The following PRXL2B variants were observed in gnomAD, a reference collection of about 807,000 sequenced individuals.
PRXL2B encodes the protein peroxiredoxin like 2B.
In PRXL2B, 26 loss-of-function variants were observed where a neutral mutation model predicts 24.4. The observed-to-expected ratio is 1.07, with a 90% CI of 0.78 to 1.48. The LOEUF is 1.48. Among genes scored for constraint, PRXL2B ranks in the 40% most tolerant of loss-of-function variants. The probability of loss-of-function intolerance (pLI) is 0.00; values close to 1 mark genes in which losing one functional copy is unlikely to be tolerated. For synonymous variants in PRXL2B, 115 were observed against 118.9 expected, an observed-to-expected ratio of 0.97 and a Z score of 0.21; for missense variants, 269 against 264.8, an observed-to-expected ratio of 1.02 and a Z score of -0.11.
At position 2,586,830 on chromosome 1, in the gene PRXL2B, C is replaced by CGGGAGCGGGGAACAGGGAGTCG; in HGVS notation, c.-49_-28dup. The CGGGAGCGGGGAACAGGGAGTCG allele has an allele frequency of 7.8e-7, 1 of 1,274,488 alleles. No individual in the cohort carries two copies. The highest frequency in any genetic ancestry group is 1.5e-5 in the African/African-American group (1 of 64,698). 78.9% of individuals were successfully genotyped at this position (1,274,488 alleles called of 1,614,324 possible). A position where few individuals can be genotyped will look rare whatever the true frequency, so the allele number is the denominator to read the frequency against. ...GAGCGGGGATCCAGGAGCGAGGAGCCGGGAGCGGGGAACAGGGAGTCGGGG... is the reference window on the plus strand; with the variant it reads ...GAGCGGGGATCCAGGAGCGAGGAGCCGGGAGCGGGGAACAGGGAGTCGGGGAGCGGGGAACAGGGAGTCGGGG... On this transcript the variant is annotated 5_prime_UTR_variant, in exon 1 of 7. Transcript: ENST00000419916.
chr1:2,590,879 G>T lies in PRXL2B; in HGVS notation c.*1452G>T. The T allele has an allele frequency of 1.2e-6, 1 of 827,096 alleles. No homozygotes were observed. Among genetic ancestry groups the T allele is most frequent in the Non-Finnish European group, 1.7e-6 (1 of 589,542 alleles). The allele number at this position is 827,096 out of a possible 1,614,324, so 51.2% of individuals were successfully genotyped here. On this transcript the variant is annotated 3_prime_UTR_variant, in exon 7 of 7. Coordinates refer to ENST00000419916, the MANE Select transcript of PRXL2B (RefSeq NM_152371.5). The stretch of plus-strand genomic sequence containing the variant: ...GCGCAGAGGCCTGGCAGGCAGGCTT[G>T]GCATGGTTGGCCGGGGCGGGACGTA...
At position 2,589,808 on chromosome 1, in the gene PRXL2B, G is replaced by A. The variant is rs1644636411; in HGVS notation, c.*381G>A. ...TCAAAGGCGACAGACCCAAGCCCAC[G>A]TCAGGAGAGGAGCGTGGGGTCAGCT... On this transcript the variant is annotated 3_prime_UTR_variant, in exon 7 of 7. Transcript: ENST00000419916. 3.3e-6 allele frequency: 1 copy of A among 302,120 alleles called. No individual in the cohort carries two copies. Among genetic ancestry groups the A allele is most frequent in the Non-Finnish European group, 6.2e-6 (1 of 161,106 alleles). The allele number at this position is 302,120 out of a possible 1,614,324, so 18.7% of individuals were successfully genotyped here. A position where few individuals can be genotyped will look rare whatever the true frequency, so the allele number is the denominator to read the frequency against.
intron 4 of PRXL2B, 47 bp from the exon 5 acceptor site, chr1:2,588,503 G>A (rs1242677698): frequency 6.2e-7 from 1 of 1,613,804 alleles, no homozygotes. Flanking sequence ...GGAGCTCCCA[G>A]GAGCCTTTCT....
In PRXL2B at chr1:2,589,774, T is replaced by A. The variant is rs1644635505; in HGVS notation, c.*347T>A. 1 of 415,608 alleles carries A rather than the reference T, an allele frequency of 2.4e-6. No individual in the cohort carries two copies. The highest frequency in any genetic ancestry group is 4.6e-5 in the East Asian group (1 of 21,974). The allele number at this position is 415,608 out of a possible 1,614,324, so 25.7% of individuals were successfully genotyped here. ...TGGGGATGGTAACCTCACTGCCCCGTCACTCCCTTCAAAGGCGACAGACCC... is the reference window on the plus strand; with the variant it reads ...TGGGGATGGTAACCTCACTGCCCCGACACTCCCTTCAAAGGCGACAGACCC... On this transcript the variant is annotated 3_prime_UTR_variant, in exon 7 of 7. Transcript: ENST00000419916.
At position 2,588,812 on chromosome 1, in the gene PRXL2B, G is replaced by T. The variant is rs910999056; in HGVS notation, c.461-110G>T. ...GAACAGCTCACTCATCTGGGTAGCC[G>T]GGTGGGGGATATGGCTGGCCAGGGC... On this transcript the variant is annotated intron_variant, in intron 5 of 6. Coordinates refer to ENST00000419916, the MANE Select transcript of PRXL2B (RefSeq NM_152371.5). 3 of 1,245,124 alleles carry T rather than the reference G, an allele frequency of 2.4e-6. No individual in the cohort carries two copies. The East Asian group carries it at 7.0e-5, about 29-fold the overall frequency. The allele number at this position is 1,245,124 out of a possible 1,614,324, so 77.1% of individuals were successfully genotyped here.
rs534586289 is a variant in PRXL2B, at chr1:2,588,666, G to A, written c.460+41G>A. 46 of 1,599,990 alleles carry A rather than the reference G, an allele frequency of 2.9e-5. No homozygotes were observed. The East Asian group carries it at 5.2e-4, about 18-fold the overall frequency. On this transcript the variant is annotated intron_variant, in intron 5 of 6. Transcript: ENST00000419916. ...GGCCTCGGCCACTGCCTCAAGGAGG[G>A]CCTTGCTGAACTTGGTGGCCCAGCC...
chr1:2,588,525 C>T, intron 4 of PRXL2B, 25 bp from the exon 5 acceptor site: 2 of 1,614,006 alleles, frequency 1.2e-6, no homozygotes, highest in Non-Finnish European at 1.7e-6. Flanking sequence ...CTAGGATTGA[C>T]TCAGGCTGTA....
chr1:2,589,001 G>T lies in PRXL2B; in HGVS notation c.540G>T (p.Leu180=), dbSNP rs758364600. 6 of 1,613,266 alleles carry T rather than the reference G, an allele frequency of 3.7e-6. No individual in the cohort carries two copies. The change falls in exon 6 of 7, where the codon CTG becomes CTT. Residue 180 remains leucine, a synonymous_variant. Coordinates refer to ENST00000419916, the MANE Select transcript of PRXL2B (RefSeq NM_152371.5). The stretch of plus-strand genomic sequence containing the variant: ...CCAAGGAGCACATCCTGCAGGTCCT[G>T]GGCATCTCTGCGGAGGTCTGTGCCA... ...YVPKEHILQV[L]GISAEVCASD...
chr1:2,591,004 A>G lies in PRXL2B; in HGVS notation c.*1577A>G. The G allele has an allele frequency of 3.8e-6, 6 of 1,596,422 alleles. No individual in the cohort carries two copies. Among genetic ancestry groups the G allele is most frequent in the Non-Finnish European group, 5.1e-6 (6 of 1,173,136 alleles). ...CAGGGCCTTGGCTACCACACGCGGC[A>G]TCGCTCCTTGGGGTGCATGGGGGTG... On this transcript the variant is annotated 3_prime_UTR_variant, in exon 7 of 7. Coordinates refer to ENST00000419916, the MANE Select transcript of PRXL2B (RefSeq NM_152371.5).
Position 2,587,094 on chromosome 1 carries a change from G to A in PRXL2B, c.67G>A (p.Val23Met), listed in dbSNP as rs991913588. Residue 23 changes from valine (V) to methionine (M), a missense_variant, in exon 2 of 7, where the codon GTG becomes ATG. Transcript: ENST00000419916. This position sits in a 1 kb window ranked among gnomAD's most constrained non-coding sequence, Gnocchi z 6.1. The part of the protein sequence containing the change: ...ILKHAVTGEA[V>M]ELRSLWREHA... ...CCATGACCCAGCCGCCCGGCAGGCC[G>A]TGGAGCTGCGGAGCCTGTGGCGGGA... The A allele has an allele frequency of 1.6e-5, 25 of 1,530,676 alleles. No individual in the cohort carries two copies. The highest frequency in any genetic ancestry group is 5.9e-5 in the Admixed American group (3 of 50,974). 94.8% of individuals were successfully genotyped at this position (1,530,676 alleles called of 1,614,324 possible). A position where few individuals can be genotyped will look rare whatever the true frequency, so the allele number is the denominator to read the frequency against.
chr1:2,590,971 C>G lies in PRXL2B; in HGVS notation c.*1544C>G. 3 of 1,528,152 alleles carry G rather than the reference C, an allele frequency of 2.0e-6. No individual in the cohort carries two copies. The highest frequency in any genetic ancestry group is 1.8e-6 in the Non-Finnish European group (2 of 1,137,550). The allele number at this position is 1,528,152 out of a possible 1,614,324, so 94.7% of individuals were successfully genotyped here. On this transcript the variant is annotated 3_prime_UTR_variant, in exon 7 of 7. Coordinates refer to ENST00000419916, the MANE Select transcript of PRXL2B (RefSeq NM_152371.5). ...GAGCAGCGGGTGGGCGTGGGCCGCA[C>G]AGCGCGGCAGGGCCTTGGCTACCAC...
rs910704399 is a variant in PRXL2B, at chr1:2,587,586, C to A, written c.269-155C>A. On this transcript the variant is annotated intron_variant, in intron 2 of 6. Transcript: ENST00000419916. The surrounding 1 kb of genome is among the most constrained non-coding windows in gnomAD (Gnocchi z 6.1). ...TCTGAGGGGAGGGGGGACACTCAGC[C>A]CCGTTTTACCCCTCCCTGCCCTGCG... is the stretch of plus-strand genomic sequence containing the variant. Among the ~76,000 whole-genome samples the A allele has an allele frequency of 4.6e-5, 7 of 152,178 alleles. No individual in the cohort carries two copies. The highest frequency in any genetic ancestry group is 8.8e-5 in the Non-Finnish European group (6 of 68,030).
rs1170669001 is a variant in PRXL2B, at chr1:2,589,482, G to A, written c.*55G>A. ...CTGGGTGGCGTCTGCTGCCCTAGGTGTGCTGGAAGTCCACTTGGAAGAACT... is the reference window on the plus strand; with the variant it reads ...CTGGGTGGCGTCTGCTGCCCTAGGTATGCTGGAAGTCCACTTGGAAGAACT... On this transcript the variant is annotated 3_prime_UTR_variant, in exon 7 of 7. Coordinates refer to ENST00000419916, the MANE Select transcript of PRXL2B (RefSeq NM_152371.5). 1.2e-6 allele frequency: 2 copies of A among 1,613,124 alleles called. No homozygotes were observed. Among genetic ancestry groups the A allele is most frequent in the South Asian group, 2.2e-5 (2 of 91,078 alleles).
rs1644547630 is a variant in PRXL2B, at chr1:2,587,295, G to C, written c.268G>C (p.Glu90Gln). Reference protein sequence around the residue: ...EFLDGDYFAGELYLDESKQLY... With the variant: ...EFLDGDYFAGQLYLDESKQLY... The stretch of plus-strand genomic sequence containing the variant: ...CCTGGACGGCGACTACTTCGCGGGA[G>C]GTGCGTCCTGTTCCCCGCCGCGGCG... Residue 90 changes from glutamate (E) to glutamine (Q), a missense_variant and splice_region_variant, in exon 2 of 7, where the codon GAG becomes CAG. Glu to Gln is a conservative substitution (Grantham distance 29). Coordinates refer to ENST00000419916, the MANE Select transcript of PRXL2B (RefSeq NM_152371.5). The surrounding 1 kb of genome is among the most constrained non-coding windows in gnomAD (Gnocchi z 6.1). The C allele has an allele frequency of 6.4e-7, 1 of 1,561,616 alleles. No individual in the cohort carries two copies. The highest frequency in any genetic ancestry group is 1.4e-5 in the African/African-American group (1 of 73,842).
At position 2,588,381 on chromosome 1, in the gene PRXL2B, T is replaced by C; in HGVS notation, c.321-9T>C. On this transcript the variant is annotated splice_polypyrimidine_tract_variant and intron_variant, in intron 3 of 6. Transcript: ENST00000419916. Reference sequence around the variant, plus strand: ...CGGAGTTTGGCCAAGCGACCTGGTGTCTTCGCAGGTACAACAGCCTGAGCA... The same window carrying C: ...CGGAGTTTGGCCAAGCGACCTGGTGCCTTCGCAGGTACAACAGCCTGAGCA... 1 of 1,614,136 alleles carries C rather than the reference T, an allele frequency of 6.2e-7. No individual in the cohort carries two copies. The highest frequency in any genetic ancestry group is 8.5e-7 in the Non-Finnish European group (1 of 1,180,028).
At position 2,589,471 on chromosome 1, in the gene PRXL2B, C is replaced by T. The variant is rs371068003; in HGVS notation, c.*44C>T. On this transcript the variant is annotated 3_prime_UTR_variant, in exon 7 of 7. Coordinates refer to ENST00000419916, the MANE Select transcript of PRXL2B (RefSeq NM_152371.5). ...CCTCCGAGGATCTGGGTGGCGTCTG[C>T]TGCCCTAGGTGTGCTGGAAGTCCAC... 6.2e-7 allele frequency: 1 copy of T among 1,613,642 alleles called. No individual in the cohort carries two copies. The highest frequency in any genetic ancestry group is 8.5e-7 in the Non-Finnish European group (1 of 1,179,874).
At chr1:2,588,120 G>C (rs1019097071) in intron 3 of PRXL2B, among the ~76,000 whole-genome samples, 1 of 152,194 alleles carries the variant, frequency 6.6e-6, no homozygotes, top group African/African-American at 2.4e-5. Context: ...GTTGCCAGCT[G>C]AGCCAGATCC....
Position 2,589,507 on chromosome 1 carries a change from T to C in PRXL2B, c.*80T>C, listed in dbSNP as rs1295821321. 2 of 1,605,442 alleles carry C rather than the reference T, an allele frequency of 1.2e-6. No homozygotes were observed. The highest frequency in any genetic ancestry group is 1.7e-6 in the Non-Finnish European group (2 of 1,174,042). ...GTGCTGGAAGTCCACTTGGAAGAAC[T>C]GTTCCGGAGGCGCTGGGTCGGGATG... On this transcript the variant is annotated 3_prime_UTR_variant, in exon 7 of 7. Transcript: ENST00000419916.
Position 2,589,786 on chromosome 1 carries a change from A to G in PRXL2B, c.*359A>G. On this transcript the variant is annotated 3_prime_UTR_variant, in exon 7 of 7. Coordinates refer to ENST00000419916, the MANE Select transcript of PRXL2B (RefSeq NM_152371.5). ...CCTCACTGCCCCGTCACTCCCTTCAAAGGCGACAGACCCAAGCCCACGTCA... is the reference window on the plus strand; with the variant it reads ...CCTCACTGCCCCGTCACTCCCTTCAGAGGCGACAGACCCAAGCCCACGTCA... The G allele has an allele frequency of 2.8e-6, 1 of 361,586 alleles. No individual in the cohort carries two copies. The highest frequency in any genetic ancestry group is 3.7e-5 in the South Asian group (1 of 27,038). The allele number at this position is 361,586 out of a possible 1,614,324, so 22.4% of individuals were successfully genotyped here.
Sources: gnomAD v4.1 joint callset for allele counts (sites outside exome capture counted in the v4.1 genomes callset) on GRCh38, gnomAD v4.1.1 for gene constraint, Gnocchi (gnomAD v3.1) non-coding constraint, MANE v1.5 for transcripts, NCBI Gene and HGNC (gene_info 2026-07-23, HGNC 2026-07-21) for gene names.